The following MAPK10 variants were observed in gnomAD, a reference collection of about 807,000 sequenced individuals.
The protein encoded by MAPK10 is JNK3 alpha protein kinase.
A neutral mutation model predicts 59.3 loss-of-function variants in MAPK10; 25 were observed. The observed-to-expected ratio is 0.42, with a 90% confidence interval of 0.31 to 0.59. The LOEUF (loss-of-function observed/expected upper bound fraction) is 0.59. MAPK10 is among the 20% of genes least tolerant of loss of function. The probability of loss-of-function intolerance (pLI) is 0.15; values close to 1 mark genes in which losing one functional copy is unlikely to be tolerated. For synonymous variants in MAPK10, 190 were observed against 200.5 expected, an observed-to-expected ratio of 0.95 and a Z score of 0.44; for missense variants, 351 against 568.9, an observed-to-expected ratio of 0.62 and a Z score of 3.90.
chr4:86,399,185 T>A (rs1401548844), intron 1 of MAPK10, among the ~76,000 whole-genome samples: 4 of 152,178 alleles, frequency 2.6e-5, no homozygotes, highest in Non-Finnish European at 2.9e-5. Flanking sequence ...CTCTAAACCG[T>A]TTTCCACAGT....
intron 1 of MAPK10, among the ~76,000 whole-genome samples, chr4:86,410,051 C>G (rs907712574): frequency 6.6e-6 from 1 of 152,074 alleles, no homozygotes; most frequent in Non-Finnish European, 1.5e-5. Context: ...TCATAAATAG[C>G]TCTTATTATT....
At chr4:86,562,723 T>G (rs1020495112) in intron 1 of MAPK10, among the ~76,000 whole-genome samples, 15 of 151,922 alleles carry the variant, frequency 9.9e-5, no homozygotes, top group Admixed American at 4.6e-4. Flanking sequence ...AAAAACAACT[T>G]TACCTGCTGC....
intron 1 of MAPK10, among the ~76,000 whole-genome samples, chr4:86,482,540 G>C (rs1321168715): frequency 2.0e-5 from 3 of 152,136 alleles, no homozygotes; most frequent in African/African-American, 4.8e-5. Flanking sequence ...CAAAGACAGA[G>C]AGCTCCTGCC....
chr4:86,301,686 T>C (rs1417459305), intron 2 of MAPK10, among the ~76,000 whole-genome samples: 1 of 152,174 alleles, frequency 6.6e-6, no homozygotes, highest in East Asian at 1.9e-4. Flanking sequence ...CCAGGCTCTG[T>C]GCTAGCTGTC....
chr4:86,190,302 G>A (rs538948513), intron 3 of MAPK10, among the ~76,000 whole-genome samples: 4 of 152,214 alleles, frequency 2.6e-5, no homozygotes, highest in African/African-American at 9.6e-5. Context: ...CTATTGTCTG[G>A]AATAGTTTCA....
chr4:86,520,383 T>C (rs1055135744), intron 1 of MAPK10, among the ~76,000 whole-genome samples: 1 of 152,200 alleles, frequency 6.6e-6, no homozygotes, highest in African/African-American at 2.4e-5. Flanking sequence ...AAGTTCTTTC[T>C]TCTACTTGTT....
chr4:86,318,873 C>A (rs1201955486), intron 2 of MAPK10, among the ~76,000 whole-genome samples: 1 of 151,922 alleles, frequency 6.6e-6, no homozygotes, highest in African/African-American at 2.4e-5. Context: ...GAACAGGTTG[C>A]ATAATCTCTC....
At position 86,011,415 on chromosome 4, in the gene MAPK10, C is replaced by G. The variant is rs572214608; in HGVS notation, c.*5813G>C. Reference sequence around the variant, plus strand: ...AAAAACCTCTGCCTTGGCTGTGATCCAGTGTTGTTATTGGCAAGTAGATTC... The same window carrying G: ...AAAAACCTCTGCCTTGGCTGTGATCGAGTGTTGTTATTGGCAAGTAGATTC... On this transcript the variant is annotated 3_prime_UTR_variant, in exon 14 of 14. Transcript: ENST00000641462. The G allele has an allele frequency of 6.6e-6, 1 of 152,304 alleles. No individual in the cohort carries two copies. The highest frequency in any genetic ancestry group is 2.1e-4 in the South Asian group (1 of 4,828). 9.4% of individuals were successfully genotyped at this position (152,304 alleles called of 1,614,324 possible). A position where few individuals can be genotyped will look rare whatever the true frequency, so the allele number is the denominator to read the frequency against.
At chr4:86,134,330 T>G (rs2061511676) in intron 4 of MAPK10, among the ~76,000 whole-genome samples, 1 of 152,224 alleles carries the variant, frequency 6.6e-6, no homozygotes. Context: ...GTGTGATAAC[T>G]ACATTATATA....
At chr4:86,486,742 G>A (rs1025145249) in intron 1 of MAPK10, among the ~76,000 whole-genome samples, 1 of 152,180 alleles carries the variant, frequency 6.6e-6, no homozygotes, top group Non-Finnish European at 1.5e-5. Context: ...GGATATGTAC[G>A]CAGTCCCAAA....
chr4:86,158,874 TG>T (rs1214448412), intron 4 of MAPK10, among the ~76,000 whole-genome samples: 2 of 152,010 alleles, frequency 1.3e-5, no homozygotes, highest in African/African-American at 4.8e-5. Flanking sequence ...ACACTGAATT[TG>T]AAAAGTTACA....
intron 9 of MAPK10, chr4:86,095,554 T>C (rs1333508436): frequency 1.3e-5 from 2 of 151,884 alleles, no homozygotes; most frequent in South Asian, 2.1e-4. Context: ...AATTAGCATA[T>C]ACTTAGCTTT....
upstream of MAPK10, among the ~76,000 whole-genome samples, chr4:86,361,545 G>A (rs2869434): frequency 0.28 from 42,330 of 152,000 alleles, 6,657 homozygotes; most frequent in Non-Finnish European, 0.35. Flanking sequence ...TCAGTTTGTC[G>A]AAGAGATGTC....
At chr4:86,416,686 C>T (rs1456446547) in intron 1 of MAPK10, among the ~76,000 whole-genome samples, 3 of 152,190 alleles carry the variant, frequency 2.0e-5, no homozygotes, top group Non-Finnish European at 2.9e-5. Flanking sequence ...TGAATTGCAT[C>T]CTTGGCTTTC....
intron 4 of MAPK10, among the ~76,000 whole-genome samples, chr4:86,122,275 T>C (rs1254876640): frequency 6.6e-6 from 1 of 152,146 alleles, no homozygotes; most frequent in African/African-American, 2.4e-5. Flanking sequence ...TGGCTAACTA[T>C]CTCAAAACAC....
At chr4:86,378,303 T>C (rs1217528437) in intron 1 of MAPK10, among the ~76,000 whole-genome samples, 2 of 152,176 alleles carry the variant, frequency 1.3e-5, no homozygotes, top group East Asian at 3.9e-4. Flanking sequence ...TTCCACCTCA[T>C]GGCTTTTGCA....
intron 9 of MAPK10, among the ~76,000 whole-genome samples, chr4:86,085,547 A>G (rs2051606991): frequency 6.6e-6 from 1 of 152,180 alleles, no homozygotes; most frequent in Non-Finnish European, 1.5e-5. Flanking sequence ...CTACAATGAG[A>G]TATCATCTCA....
Position 86,194,407 on chromosome 4 carries a change from C to T in MAPK10, c.-6G>A, listed in dbSNP as rs1439593900. ...TATAAGAAATGGAGGCTCATAAATA[C>T]CTAGAGGAAAAAGAAATGGAGCATA... On this transcript the variant is annotated splice_region_variant and 5_prime_UTR_variant, in exon 3 of 14. The change creates a premature stop within an existing upstream ORF in the 5' untranslated region. Coordinates refer to ENST00000641462, the MANE Select transcript of MAPK10 (RefSeq NM_138982.4). 4 of 1,557,552 alleles carry T rather than the reference C, an allele frequency of 2.6e-6. No individual in the cohort carries two copies. The highest frequency in any genetic ancestry group is 1.4e-5 in the African/African-American group (1 of 73,804).
chr4:86,167,722 A>C (rs1303797218), intron 3 of MAPK10, among the ~76,000 whole-genome samples: 9 of 152,172 alleles, frequency 5.9e-5, no homozygotes, highest in Admixed American at 5.9e-4. Context: ...ATATCTCAAA[A>C]TAATAAGAGC....
Sources: gnomAD v4.1 joint callset for allele counts (sites outside exome capture counted in the v4.1 genomes callset) on GRCh38, gnomAD v4.1.1 for gene constraint, MANE v1.5 for transcripts, NCBI Gene and HGNC (gene_info 2026-07-23, HGNC 2026-07-21) for gene names.